CLIP4: variants seen among roughly 807,000 people sequenced by gnomAD.
The protein encoded by CLIP4 is CAP-Gly domain-containing linker protein 4.
CLIP4 carries 47 observed loss-of-function variants against 73.1 expected under a neutral mutation model. That is an observed-to-expected ratio of 0.64 (90% CI 0.51 to 0.82). The LOEUF (loss-of-function observed/expected upper bound fraction) is 0.82, where lower values mean the gene tolerates loss of function less well. Among genes scored for constraint, CLIP4 ranks in the 40% least tolerant of loss-of-function variants. The pLI, the probability that CLIP4 is intolerant of heterozygous loss-of-function variation, is 0.00. For missense variants in CLIP4, 874 were observed against 852.9 expected (o/e 1.02, Z -0.31); for synonymous variants, 306 against 295.4 (o/e 1.04, Z -0.37).
chr2:29,117,411 TCTC>T (rs1309111015), intron 1 of CLIP4, among the ~76,000 whole-genome samples: 1 of 151,572 alleles, frequency 6.6e-6, no homozygotes, highest in African/African-American at 2.4e-5. Flanking sequence ...TGGCCTGATC[TCTC>T]CTCACTGCAA....
intron 15 of CLIP4, 136 bp from the exon 16 acceptor site, chr2:29,181,436 A>C (rs1668637411): frequency 5.5e-6 from 4 of 728,930 alleles, no homozygotes; most frequent in Non-Finnish European, 8.7e-6. Flanking sequence ...TTTAAAAATC[A>C]AGTTGTGACC....
intron 2 of CLIP4, among the ~76,000 whole-genome samples, chr2:29,124,323 T>C (rs1230223455): frequency 6.6e-6 from 1 of 152,220 alleles, no homozygotes; most frequent in East Asian, 1.9e-4. Context: ...CTCTGCTCTC[T>C]TCCCATTTGC....
At position 29,174,395 on chromosome 2, in the gene CLIP4, A is replaced by C. The variant is rs369945633; in HGVS notation, c.1746A>C (p.Thr582=). Reference sequence around the variant, plus strand: ...TAGGTTTTAGGAGAAGTTTTAGCACAACTTCTGCTTCTTCCCAAAAGGAGA... The same window carrying C: ...TAGGTTTTAGGAGAAGTTTTAGCACCACTTCTGCTTCTTCCCAAAAGGAGA... ...SYPGFRRSFS[T]TSASSQKEIN... is the part of the protein sequence containing the mutation. Residue 582 remains threonine (T), a synonymous_variant, in exon 15 of 16, where the codon ACA becomes ACC. Coordinates refer to ENST00000320081, the MANE Select transcript of CLIP4 (RefSeq NM_024692.6). 10 of 1,612,512 alleles carry C rather than the reference A, an allele frequency of 6.2e-6. No homozygotes were observed. Among genetic ancestry groups the C allele is most frequent in the Non-Finnish European group, 8.5e-6 (10 of 1,179,660 alleles).
chr2:29,175,273 G>A (rs563598794), intron 15 of CLIP4: 12 of 152,310 alleles, frequency 7.9e-5, no homozygotes, highest in African/African-American at 2.9e-4. Flanking sequence ...TCATCCTGAG[G>A]ACTGTTAGGT....
At chr2:29,137,344 T>A (rs1366410941) in intron 6 of CLIP4, among the ~76,000 whole-genome samples, 1 of 152,212 alleles carries the variant, frequency 6.6e-6, no homozygotes, top group East Asian at 1.9e-4. Context: ...TCCATGTTGT[T>A]GCAAAGGGCA....
At chr2:29,101,294 C>CA (rs986605950) in intron 1 of CLIP4, among the ~76,000 whole-genome samples, 2 of 145,156 alleles carry the variant, frequency 1.4e-5, no homozygotes, top group African/African-American at 5.2e-5. Flanking sequence ...TTTCCCCCCC[C>CA]CAAAACAAAA....
intron 1 of CLIP4, among the ~76,000 whole-genome samples, chr2:29,119,937 A>G (rs1414723732): frequency 6.6e-6 from 1 of 152,190 alleles, no homozygotes; most frequent in Non-Finnish European, 1.5e-5. Flanking sequence ...TAAACTACCT[A>G]AGAAGCATGG....
At chr2:29,122,937 G>A (rs1351492960) in intron 2 of CLIP4, among the ~76,000 whole-genome samples, 1 of 151,596 alleles carries the variant, frequency 6.6e-6, no homozygotes, top group South Asian at 2.1e-4. Flanking sequence ...ATATTTTCAG[G>A]ATCTCTGTCA....
upstream of CLIP4, chr2:29,115,341 C>A (rs879782826): frequency 6.6e-6 from 1 of 151,862 alleles, no homozygotes; most frequent in African/African-American, 2.4e-5. The surrounding 1 kb of genome is among the most constrained non-coding windows in gnomAD (Gnocchi z 5.1). Context: ...CGCGTGCGCC[C>A]GATCATCTGA....
rs1572948285 is a variant in CLIP4, at chr2:29,145,370, A to G, written c.1021+3A>G. 1.2e-6 allele frequency: 2 copies of G among 1,600,524 alleles called. No homozygotes were observed. The highest frequency in any genetic ancestry group is 1.7e-5 in the Admixed American group (1 of 59,312). On this transcript the variant is annotated splice_donor_region_variant and intron_variant, in intron 8 of 15. Transcript: ENST00000320081. The stretch of plus-strand genomic sequence containing the variant: ...CTTTAAATGTGCCCCCAAGTATGGT[A>G]AGGTTGATATTATTTAACTCGGTAA...
intron 6 of CLIP4, among the ~76,000 whole-genome samples, chr2:29,140,083 GTTTC>G (rs916104790): frequency 4.0e-4 from 60 of 150,442 alleles, no homozygotes; most frequent in East Asian, 2.7e-3. Flanking sequence ...TTTTTATTTT[GTTTC>G]TTTTATTATA....
chr2:29,165,153 A>G (rs143907365), intron 13 of CLIP4, among the ~76,000 whole-genome samples: 20 of 152,340 alleles, frequency 1.3e-4, no homozygotes, highest in African/African-American at 3.8e-4. Flanking sequence ...GATTTAGCTA[A>G]AGTCATACAG....
rs777020049 is a variant in CLIP4 at position 29,152,685 on chromosome 2, G to A, written c.1022G>A (p.Gly341Asp). Reference protein sequence around the residue: ...VQYFKCAPKYGIFAPLSKISK... With the variant: ...VQYFKCAPKYDIFAPLSKISK... ...ACTAAAATTCTGCATTCTCCCTTAG[G>A]TATTTTTGCACCTCTTTCAAAGATA... The change falls in exon 9 of 16, where the codon GGT (glycine) becomes GAT (aspartate). Residue 341 changes from glycine (G) to aspartate (D), a missense_variant and splice_region_variant. Gly to Asp is a moderately conservative substitution (Grantham distance 94, BLOSUM62 -1). Coordinates refer to ENST00000320081, the MANE Select transcript of CLIP4 (RefSeq NM_024692.6). 2 of 1,612,064 alleles carry A rather than the reference G, an allele frequency of 1.2e-6. No individual in the cohort carries two copies. The highest frequency in any genetic ancestry group is 1.7e-6 in the Non-Finnish European group (2 of 1,179,178).
chr2:29,146,357 GA>G (rs1666164197), intron 8 of CLIP4, among the ~76,000 whole-genome samples: 1 of 152,130 alleles, frequency 6.6e-6, no homozygotes, highest in East Asian at 1.9e-4. Flanking sequence ...TGGAAAACTG[GA>G]AAAATCAAGC....
intron 6 of CLIP4, 36 bp downstream of exon 6, chr2:29,135,702 GAATT>G: frequency 7.1e-7 from 1 of 1,411,908 alleles, no homozygotes; most frequent in South Asian, 1.3e-5. Context: ...AATATTAAAA[GAATT>G]AAGAAATCTT....
At chr2:29,126,592 AG>A (rs1159649663) in intron 2 of CLIP4, among the ~76,000 whole-genome samples, 4 of 152,256 alleles carry the variant, frequency 2.6e-5, no homozygotes, top group Admixed American at 2.6e-4. Context: ...TCTGGAAGGC[AG>A]GGCATTAAGA....
intron 6 of CLIP4, among the ~76,000 whole-genome samples, chr2:29,138,968 C>T (rs1376717762): frequency 1.3e-5 from 2 of 152,134 alleles, no homozygotes; most frequent in African/African-American, 4.8e-5. Context: ...TTGACCTCCT[C>T]TTTTCCTATT....
intron 1 of CLIP4, among the ~76,000 whole-genome samples, chr2:29,105,851 A>G (rs1240348993): frequency 2.6e-5 from 4 of 152,216 alleles, no homozygotes; most frequent in Non-Finnish European, 4.4e-5. Flanking sequence ...TGCATCTGCC[A>G]GTGCCTTGAT....
At position 29,160,359 on chromosome 2, in the gene CLIP4, G is replaced by A. The variant is rs1667205538; in HGVS notation, c.1426G>A (p.Ala476Thr). The A allele has an allele frequency of 1.2e-6, 2 of 1,614,064 alleles. No individual in the cohort carries two copies. Among genetic ancestry groups the A allele is most frequent in the African/African-American group, 2.7e-5 (2 of 75,006 alleles). Residue 476 changes from alanine to threonine, a missense_variant, in exon 12 of 16, where the codon GCA (alanine) becomes ACA (threonine). By Grantham distance (58) the Ala-to-Thr change is moderately conservative (BLOSUM62 0). Transcript: ENST00000320081. ...TTTGAATTCCTCAGCAACATCTACA[G>A]CAAATAATAGCCGTTGCGAGGGGGA... ...AGLNSSATST[A>T]NNSRCEGELR...
Sources: gnomAD v4.1 joint callset for allele counts (sites outside exome capture counted in the v4.1 genomes callset) on GRCh38, gnomAD v4.1.1 for gene constraint, Gnocchi (gnomAD v3.1) non-coding constraint, MANE v1.5 for transcripts, NCBI Gene and HGNC (gene_info 2026-07-23, HGNC 2026-07-21) for gene names.